The following ESYT2 variants were observed in gnomAD, a reference collection of about 807,000 sequenced individuals.
ESYT2 encodes extended synaptotagmin 2.
Under a neutral mutation model 107.2 loss-of-function variants are expected in ESYT2, and 54 were observed. The observed-to-expected ratio is 0.50, with a 90% confidence interval of 0.40 to 0.63. ESYT2 has a LOEUF of 0.63. ESYT2 is among the 30% of genes least tolerant of loss of function. ESYT2 has a pLI of 0.00. For synonymous variants in ESYT2, 491 were observed against 434.1 expected, an observed-to-expected ratio of 1.13 and a Z score of -1.63; for missense variants, 1,020 against 1,094.5, an observed-to-expected ratio of 0.93 and a Z score of 0.96.
intron 13 of ESYT2, among the ~76,000 whole-genome samples, chr7:158,757,767 TG>T (rs1403835267): frequency 7.9e-5 from 12 of 151,418 alleles, no homozygotes; most frequent in African/African-American, 2.9e-4. Context: ...TTTTTTTTTT[TG>T]TTTTTTGTTT....
At chr7:158,743,272 T>C (rs545680958) in intron 17 of ESYT2, among the ~76,000 whole-genome samples, 1 of 152,314 alleles carries the variant, frequency 6.6e-6, no homozygotes, top group South Asian at 2.1e-4. Context: ...AAAGCACTGT[T>C]TGAGTAGCCG....
intron 6 of ESYT2, among the ~76,000 whole-genome samples, chr7:158,774,492 C>T (rs1209765354): frequency 2.7e-5 from 4 of 149,202 alleles, no homozygotes; most frequent in African/African-American, 9.9e-5. Context: ...CCATTGAACC[C>T]ACCTGGCTAA....
intron 1 of ESYT2, among the ~76,000 whole-genome samples, chr7:158,814,973 A>C (rs1413060725): frequency 6.6e-6 from 1 of 152,250 alleles, no homozygotes; most frequent in Admixed American, 6.5e-5. Flanking sequence ...AAGGGAGTGC[A>C]CAGACCTCAC....
intron 20 of ESYT2, 64 bp from the exon 21 acceptor site, chr7:158,735,672 A>T: frequency 7.3e-7 from 1 of 1,378,456 alleles, no homozygotes; most frequent in Non-Finnish European, 1.0e-6. Context: ...ATAACTAAAA[A>T]TGGCATTTCT....
rs886416603 is a variant in ESYT2, at chr7:158,829,470, G to A, written c.-52C>T. The A allele has an allele frequency of 1.7e-6, 2 of 1,209,458 alleles. No individual in the cohort carries two copies. The highest frequency in any genetic ancestry group is 1.0e-6 in the Non-Finnish European group (1 of 974,612). 74.9% of individuals were successfully genotyped at this position (1,209,458 alleles called of 1,614,324 possible). A position where few individuals can be genotyped will look rare whatever the true frequency, so the allele number is the denominator to read the frequency against. On this transcript the variant is annotated 5_prime_UTR_variant, in exon 1 of 23. Coordinates refer to ENST00000275418, the MANE Select transcript of ESYT2 (RefSeq NM_001367773.1). ...CGGCCGAGGCGGGCTGGGTGCTCGC[G>A]CTGATCCCGGGCGGCTCAGCCCCGC...
At chr7:158,815,766 G>GA (rs1204993290) in intron 1 of ESYT2, among the ~76,000 whole-genome samples, 4 of 151,984 alleles carry the variant, frequency 2.6e-5, no homozygotes, top group Admixed American at 2.0e-4. Context: ...GCCAAAAATG[G>GA]AAAAAAACCT....
At chr7:158,792,715 G>A (rs1255600325) in intron 4 of ESYT2, among the ~76,000 whole-genome samples, 1 of 149,894 alleles carries the variant, frequency 6.7e-6, no homozygotes, top group Non-Finnish European at 1.5e-5. Context: ...CAGTGTTCCT[G>A]ATTTTAAAGA....
chr7:158,740,910 G>T (rs1837173422), intron 18 of ESYT2, among the ~76,000 whole-genome samples: 1 of 152,180 alleles, frequency 6.6e-6, no homozygotes, highest in Non-Finnish European at 1.5e-5. Flanking sequence ...CACACAGGGA[G>T]AACTATTTCA....
At chr7:158,780,827 G>A (rs74417787) in intron 6 of ESYT2, among the ~76,000 whole-genome samples, 4,463 of 152,322 alleles carry the variant, frequency 0.029, 195 homozygotes, top group East Asian at 0.12. Context: ...TCAAGGCACT[G>A]AAAGGCCTGT....
chr7:158,777,081 T>C (rs926870997), intron 6 of ESYT2, among the ~76,000 whole-genome samples: 1 of 152,056 alleles, frequency 6.6e-6, no homozygotes, highest in African/African-American at 2.4e-5. Context: ...CACGCTGGTC[T>C]TGAACTCCTG....
chr7:158,743,628 G>A lies in ESYT2; in HGVS notation c.1695C>T (p.Leu565=), dbSNP rs749202952. ...QCSLGNLKVP[L]SQLLTSEDMT... is the part of the protein sequence containing the mutation. ...TGTCCTCACTGGTGAGCAGCTGGCT[G>A]AGGGGGACCTTCAGGTTCCCCAGGG... Residue 565 remains leucine (L), a synonymous_variant, in exon 17 of 23, where the codon CTC becomes CTT. Coordinates refer to ENST00000275418, the MANE Select transcript of ESYT2 (RefSeq NM_001367773.1). The A allele has an allele frequency of 6.2e-7, 1 of 1,613,672 alleles. No homozygotes were observed. The highest frequency in any genetic ancestry group is 8.5e-7 in the Non-Finnish European group (1 of 1,179,884).
chr7:158,752,237 T>C (rs905938722), intron 14 of ESYT2, among the ~76,000 whole-genome samples: 2 of 152,214 alleles, frequency 1.3e-5, no homozygotes, highest in East Asian at 3.8e-4. Flanking sequence ...CACACGTGGA[T>C]GTCATATTTT....
In ESYT2 at chr7:158,823,226, C is replaced by T. The variant is rs540186810; in HGVS notation, c.330+5863G>A. Among the ~76,000 whole-genome samples the T allele has an allele frequency of 8.6e-5, 10 of 115,656 alleles. 2 individuals are homozygous for T. In the South Asian group the frequency reaches 2.8e-3, roughly 33 times the overall value. The allele number at this position is 115,656 out of a possible 152,430, so 75.9% of individuals were successfully genotyped here. On this transcript the variant is annotated intron_variant, in intron 1 of 22. Transcript: ENST00000275418. Reference sequence around the variant, plus strand: ...AGGAGAATTGCTTGAACCAGCGAGGCGGAGGTTGCAGTGACCCGAGATGGT... The same window carrying T: ...AGGAGAATTGCTTGAACCAGCGAGGTGGAGGTTGCAGTGACCCGAGATGGT...
chr7:158,759,440 C>T, intron 13 of ESYT2, 46 bp downstream of exon 13: 1 of 1,470,710 alleles, frequency 6.8e-7, no homozygotes, highest in Non-Finnish European at 9.4e-7. Context: ...GCAAGAGCAG[C>T]TGCTAGGAAA....
At chr7:158,781,973 A>G (rs1002338706) in intron 6 of ESYT2, among the ~76,000 whole-genome samples, 1 of 23,588 alleles carries the variant, frequency 4.2e-5, no homozygotes, top group African/African-American at 1.2e-4. Flanking sequence ...GTGTGAGAAC[A>G]AAGTGTGAGA....
In ESYT2 at chr7:158,767,790, C is replaced by T. The variant is rs1429888700; in HGVS notation, c.804-16G>A. Reference sequence around the variant, plus strand: ...TGATAAACCACTGTTAGTTGGGAGACAAAAAGAGCAAACGGACTATCAGAC... The same window carrying T: ...TGATAAACCACTGTTAGTTGGGAGATAAAAAGAGCAAACGGACTATCAGAC... On this transcript the variant is annotated splice_polypyrimidine_tract_variant and intron_variant, in intron 7 of 22. Transcript: ENST00000275418. 2 of 1,600,314 alleles carry T rather than the reference C, an allele frequency of 1.2e-6. No individual in the cohort carries two copies. The highest frequency in any genetic ancestry group is 2.2e-5 in the South Asian group (2 of 89,310).
rs1195641212 is a variant in ESYT2, at chr7:158,733,131, CCAGTGCACATCGGCT to C, written c.*1061_*1075del. The C allele has an allele frequency of 6.6e-6, 1 of 152,214 alleles. No individual in the cohort carries two copies. The highest frequency in any genetic ancestry group is 1.5e-5 in the Non-Finnish European group (1 of 68,038). The allele number at this position is 152,214 out of a possible 1,614,324, so 9.4% of individuals were successfully genotyped here. ...GTGGCGCCCCCAACCCTGGTGGTGG[CCAGTGCACATCGGCT>C]CAAAGGTCCCACATCCTATGTGTGA... On this transcript the variant is annotated 3_prime_UTR_variant, in exon 23 of 23. Transcript: ENST00000275418.
intron 4 of ESYT2, among the ~76,000 whole-genome samples, chr7:158,793,015 G>A (rs1267717758): frequency 3.9e-5 from 6 of 151,946 alleles, no homozygotes; most frequent in East Asian, 1.9e-4. Flanking sequence ...TGATCCGCCC[G>A]CCTCGGCCTT....
intron 6 of ESYT2, among the ~76,000 whole-genome samples, chr7:158,777,881 G>C (rs1482846512): frequency 6.6e-6 from 1 of 152,188 alleles, no homozygotes; most frequent in African/African-American, 2.4e-5. Context: ...AATTCTGCGA[G>C]AATTGCCGAA....
Sources: allele counts gnomAD v4.1 joint callset (sites outside exome capture counted in the v4.1 genomes callset), GRCh38; gene constraint gnomAD v4.1.1; transcripts MANE v1.5; gene names NCBI Gene and HGNC (gene_info 2026-07-23, HGNC 2026-07-21).